Variants in CLEC12A observed in about 807,000 individuals in gnomAD.
CLEC12A encodes the protein C-type lectin protein CLL-1.
Under a neutral mutation model 26.5 loss-of-function variants are expected in CLEC12A, and 22 were observed. That is an observed-to-expected ratio of 0.83 (90% CI 0.59 to 1.19). The LOEUF (loss-of-function observed/expected upper bound fraction) is 1.19, where lower values mean the gene tolerates loss of function less well. Among genes scored for constraint, CLEC12A ranks in the 50% most tolerant of loss-of-function variants. The pLI is 0.00. For synonymous variants in CLEC12A, 119 were observed against 101.9 expected (o/e 1.17, Z -1.01); for missense variants, 353 against 315.6 (o/e 1.12, Z -0.90).
intron 5 of CLEC12A, among the ~76,000 whole-genome samples, chr12:9,982,854 A>G (rs971037636): frequency 9.9e-5 from 15 of 152,058 alleles, no homozygotes; most frequent in African/African-American, 3.1e-4. Context: ...ATGTGTACAT[A>G]TTATTTAGCT....
At chr12:9,993,140 G>A in intron 4 of CLEC12A, 1 of 1,607,718 alleles carries the variant, frequency 6.2e-7, no homozygotes, top group East Asian at 2.2e-5. Context: ...CCACCTCTTT[G>A]CATTAAGGTA....
intron 1 of CLEC12A, among the ~76,000 whole-genome samples, chr12:9,975,421 C>T (rs1487781081): frequency 6.6e-6 from 1 of 152,114 alleles, no homozygotes; most frequent in African/African-American, 2.4e-5. Flanking sequence ...AAAGGTGACT[C>T]TTGTTATGTT....
rs377534959 is a variant in CLEC12A at position 9,979,452 on chromosome 12, A to G, written c.307A>G (p.Ile103Val). 1 of 1,613,494 alleles carries G rather than the reference A, an allele frequency of 6.2e-7. No homozygotes were observed. The highest frequency in any genetic ancestry group is 8.5e-7 in the Non-Finnish European group (1 of 1,179,674). ...GAGTAACATGAATATCTCCAACAAG[A>G]TCAGGAACCTCTCCACCACACTGCA... ...LMSNMNISNKIRNLSTTLQTI... is the reference protein window; with the variant it reads ...LMSNMNISNKVRNLSTTLQTI... Residue 103 changes from isoleucine (I) to valine (V), a missense_variant, in exon 3 of 6, where the codon ATC becomes GTC. By Grantham distance (29) the Ile-to-Val change is conservative (BLOSUM62 3). Coordinates refer to ENST00000304361, the MANE Select transcript of CLEC12A (RefSeq NM_138337.6).
At chr12:9,953,623 C>G (rs1315203153) in intron 1 of CLEC12A, among the ~76,000 whole-genome samples, 2 of 150,634 alleles carry the variant, frequency 1.3e-5, no homozygotes, top group Admixed American at 1.3e-4. Flanking sequence ...CCGCCCCGTC[C>G]GGGAGGTGAG....
At chr12:9,970,766 T>C (rs1242929596), upstream of CLEC12A, among the ~76,000 whole-genome samples, 1 of 152,186 alleles carries the variant, frequency 6.6e-6, no homozygotes, top group Non-Finnish European at 1.5e-5. Context: ...GCCCTCAGTA[T>C]ACAGACCTTG....
chr12:9,951,601 T>C (rs1294546025), intron 1 of CLEC12A: 2 of 515,302 alleles, frequency 3.9e-6, no homozygotes, highest in Non-Finnish European at 7.0e-6. Context: ...CGAAGGAATC[T>C]CCATTTGCAG....
At chr12:9,971,737 T>C (rs2984956) in intron 1 of CLEC12A, 50 bp downstream of exon 1, 845,462 of 1,512,626 alleles carry the variant, frequency 0.56, 238,252 homozygotes, top group South Asian at 0.7. Context: ...ATAGAAGTGG[T>C]TATAGACTTG....
intron 1 of CLEC12A, among the ~76,000 whole-genome samples, chr12:9,961,212 A>C (rs1863823174): frequency 6.6e-6 from 1 of 152,248 alleles, no homozygotes; most frequent in Non-Finnish European, 1.5e-5. Context: ...TCCAGACAGC[A>C]GACTTGAGAG....
In CLEC12A at chr12:9,993,260, T is replaced by C. The variant is rs757614783; in HGVS notation, n.1005-1758T>C. ...TATGAAAATAAGCACAATTCATATT[T>C]CCTTTTCCATCTTCCAAAAACTCAA... On this transcript the variant is annotated intron_variant and non_coding_transcript_variant, in intron 4 of 4. Coordinates refer to the CLEC12A transcript ENST00000449959. 26 of 1,612,854 alleles carry C rather than the reference T, an allele frequency of 1.6e-5. No individual in the cohort carries two copies. The East Asian group carries it at 5.8e-4, about 36-fold the overall frequency.
chr12:9,993,380 A>C (rs2137230168), intron 4 of CLEC12A: 1 of 865,778 alleles, frequency 1.2e-6, no homozygotes, highest in Non-Finnish European at 1.8e-6. Flanking sequence ...CACCAAATAG[A>C]GACTGAGGAA....
intron 1 of CLEC12A, among the ~76,000 whole-genome samples, chr12:9,972,120 T>G (rs1410123180): frequency 2.0e-5 from 3 of 151,980 alleles, no homozygotes; most frequent in Non-Finnish European, 4.4e-5. Flanking sequence ...AGGATTTCAT[T>G]TGACTATCTA....
downstream of CLEC12A, chr12:9,999,119 A>T: frequency 6.3e-7 from 1 of 1,575,010 alleles, no homozygotes; most frequent in Non-Finnish European, 8.7e-7. Flanking sequence ...GAGTACTGCA[A>T]CTGAGCTCAG....
chr12:9,975,354 G>C (rs2137159231), intron 1 of CLEC12A, among the ~76,000 whole-genome samples: 1 of 152,246 alleles, frequency 6.6e-6, no homozygotes, highest in East Asian at 1.9e-4. Context: ...TGACAAAAAT[G>C]GTGATAAGGC....
Position 9,985,085 on chromosome 12 carries a change from AT to A in CLEC12A, c.*62del. 7.6e-7 allele frequency: 1 copy of A among 1,311,412 alleles called. No individual in the cohort carries two copies. Among genetic ancestry groups the A allele is most frequent in the Non-Finnish European group, 9.7e-7 (1 of 1,031,702 alleles). 81.2% of individuals were successfully genotyped at this position (1,311,412 alleles called of 1,614,324 possible). On this transcript the variant is annotated 3_prime_UTR_variant, in exon 6 of 6. Transcript: ENST00000304361. The stretch of plus-strand genomic sequence containing the variant: ...GGTGGGGGTTCTAGGCTATAGGTAA[AT>A]TTAAATATTTTCTGGTTGACAATTA...
At chr12:9,965,400 T>C (rs1409809547) in intron 1 of CLEC12A, among the ~76,000 whole-genome samples, 1 of 151,818 alleles carries the variant, frequency 6.6e-6, no homozygotes, top group Non-Finnish European at 1.5e-5. Flanking sequence ...AGGAAGAAAT[T>C]TGGGCTTGAC....
intron 4 of CLEC12A, among the ~76,000 whole-genome samples, chr12:9,994,550 T>C (rs1864983847): frequency 6.6e-6 from 1 of 152,094 alleles, no homozygotes; most frequent in African/African-American, 2.4e-5. Flanking sequence ...GAAAGCCATA[T>C]AGGAAGCAAC....
chr12:9,982,268 G>C, intron 5 of CLEC12A, 139 bp downstream of exon 5: 1 of 582,896 alleles, frequency 1.7e-6, no homozygotes, highest in Non-Finnish European at 3.0e-6. Flanking sequence ...ATGCTTCTTT[G>C]ATGTATTTTC....
intron 1 of CLEC12A, among the ~76,000 whole-genome samples, chr12:9,964,448 G>A (rs1863893538): frequency 6.6e-6 from 1 of 152,108 alleles, no homozygotes; most frequent in Admixed American, 6.5e-5. Flanking sequence ...GCTGGGGAGA[G>A]GTAGAGGGTG....
intron 1 of CLEC12A, among the ~76,000 whole-genome samples, chr12:9,964,704 A>G (rs1212847144): frequency 6.6e-6 from 1 of 152,174 alleles, no homozygotes; most frequent in African/African-American, 2.4e-5. Context: ...CCTTGAGGAT[A>G]GATTTCCACG....
Sources: allele counts gnomAD v4.1 joint callset (sites outside exome capture counted in the v4.1 genomes callset), GRCh38; gene constraint gnomAD v4.1.1; transcripts MANE v1.5; gene names NCBI Gene and HGNC (gene_info 2026-07-23, HGNC 2026-07-21).